The following PCDHGA4 variants were observed in gnomAD, a reference collection of about 807,000 sequenced individuals.
PCDHGA4 encodes the protein protocadherin gamma-A4.
A neutral mutation model predicts 54.6 loss-of-function variants in PCDHGA4; 38 were observed. The ratio of observed to expected loss-of-function variants is 0.70; its 90% CI spans 0.54 to 0.91. The LOEUF (loss-of-function observed/expected upper bound fraction) is 0.91, where lower values mean the gene tolerates loss of function less well. PCDHGA4 is among the 40% of genes least tolerant of loss of function. The pLI, the probability that PCDHGA4 is intolerant of heterozygous loss-of-function variation, is 0.00. For missense variants in PCDHGA4, 1,298 were observed against 1,220.9 expected (o/e 1.06, Z -0.94); for synonymous variants, 511 against 512.9 (o/e 1.00, Z 0.05).
chr5:141,384,957 C>T (rs1561605479), intron 1 of PCDHGA4: 2 of 1,613,966 alleles, frequency 1.2e-6, no homozygotes, highest in African/African-American at 2.7e-5. Flanking sequence ...GTCCTTACAA[C>T]TATGACCTCA....
chr5:141,384,493 G>A lies in PCDHGA4; in HGVS notation c.2514+26872G>A, dbSNP rs370485526. The A allele has an allele frequency of 6.2e-7, 1 of 1,614,056 alleles. No individual in the cohort carries two copies. The highest frequency in any genetic ancestry group is 1.3e-5 in the African/African-American group (1 of 74,948). ...GCAGTTGAGAGAACTACAACTAAGA[G>A]TGACTGCACATGACAGCGGGGACCC... On this transcript the variant is annotated intron_variant, in intron 1 of 3. Coordinates refer to ENST00000571252, the MANE Select transcript of PCDHGA4 (RefSeq NM_018917.4).
chr5:141,423,802 C>A, intron 1 of PCDHGA4: 3 of 1,254,704 alleles, frequency 2.4e-6, no homozygotes, highest in South Asian at 2.9e-5. Context: ...TAGAGCAATA[C>A]ATGTGAGTTT....
chr5:141,504,937 G>A (rs1350441435), intron 2 of PCDHGA4, among the ~76,000 whole-genome samples: 2 of 152,054 alleles, frequency 1.3e-5, no homozygotes, highest in East Asian at 1.9e-4. Context: ...GGTGGGTGGG[G>A]GAATGCACTA....
At chr5:141,388,438 A>C in intron 1 of PCDHGA4, 4 of 1,613,906 alleles carry the variant, frequency 2.5e-6, no homozygotes, top group Non-Finnish European at 3.4e-6. Flanking sequence ...AATAAAGAGA[A>C]ATCAGATGGC....
intron 1 of PCDHGA4, chr5:141,422,545 T>C: frequency 6.2e-7 from 1 of 1,614,000 alleles, no homozygotes; most frequent in Non-Finnish European, 8.5e-7. Context: ...AACTCATGTC[T>C]GGCTGAATGT....
At position 141,355,388 on chromosome 5, in the gene PCDHGA4, G is replaced by A. The variant is rs775462698; in HGVS notation, c.281G>A (p.Gly94Glu). The A allele has an allele frequency of 2.5e-5, 41 of 1,613,938 alleles. No homozygotes were observed. Among genetic ancestry groups the A allele is most frequent in the South Asian group, 5.5e-5 (5 of 91,092 alleles). The change falls in exon 1 of 4, where the codon GGA (glycine) becomes GAA (glutamate). Residue 94 changes from glycine (G) to glutamate (E), a missense_variant. Coordinates refer to ENST00000571252, the MANE Select transcript of PCDHGA4 (RefSeq NM_018917.4). ...GCGCCCCGGGAGCTGGCGGAGCGCGGAGTCCGCATCGTCTCCAGAGGTAGG... is the reference window on the plus strand; with the variant it reads ...GCGCCCCGGGAGCTGGCGGAGCGCGAAGTCCGCATCGTCTCCAGAGGTAGG... ...GLAPRELAER[G>E]VRIVSRGRTQ...
intron 1 of PCDHGA4, chr5:141,417,651 A>C: frequency 1.2e-6 from 1 of 822,038 alleles, no homozygotes; most frequent in African/African-American, 1.7e-5. Context: ...CTCAGCCTCT[A>C]GCCTGGGATT....
intron 1 of PCDHGA4, chr5:141,479,417 T>A (rs2099495481): frequency 6.6e-6 from 1 of 152,210 alleles, no homozygotes; most frequent in Non-Finnish European, 1.5e-5. Context: ...ACTATGCTGA[T>A]CAATTGATCA....
intron 1 of PCDHGA4, among the ~76,000 whole-genome samples, chr5:141,469,642 A>G (rs1339074059): frequency 2.0e-5 from 3 of 152,244 alleles, no homozygotes; most frequent in Admixed American, 6.5e-5. Flanking sequence ...AAATATTTTG[A>G]TGACATAATT....
chr5:141,356,935 C>G lies in PCDHGA4; in HGVS notation c.1828C>G (p.Pro610Ala), dbSNP rs757650292. 1 of 1,614,226 alleles carries G rather than the reference C, an allele frequency of 6.2e-7. No homozygotes were observed. The highest frequency in any genetic ancestry group is 1.1e-5 in the South Asian group (1 of 91,086). Residue 610 changes from proline (P) to alanine (A), a missense_variant, in exon 1 of 4, where the codon CCC becomes GCC. Coordinates refer to ENST00000571252, the MANE Select transcript of PCDHGA4 (RefSeq NM_018917.4). ...TGGCTCCACTGGTGTGGAGCTGGCA[C>G]CCCGCTCCGCAGATTCCGGCTACCT... ...TDGSTGVELA[P>A]RSADSGYLVT...
intron 1 of PCDHGA4, chr5:141,420,535 T>C (rs1322301404): frequency 6.2e-6 from 2 of 321,930 alleles, no homozygotes; most frequent in African/African-American, 4.3e-5. Flanking sequence ...CGGTTAAAAA[T>C]ATAAAATACA....
intron 1 of PCDHGA4, chr5:141,418,432 T>C (rs954268296): frequency 1.9e-6 from 3 of 1,613,838 alleles, no homozygotes; most frequent in African/African-American, 1.3e-5. Context: ...GTGGCAAATA[T>C]CCAGAATTAG....
chr5:141,371,872 C>T (rs1206900205), intron 1 of PCDHGA4: 3 of 1,613,534 alleles, frequency 1.9e-6, no homozygotes, highest in East Asian at 2.2e-5. Flanking sequence ...TACATCGTGG[C>T]CAGTGACCTG....
At chr5:141,497,541 T>C (rs1157403777) in intron 2 of PCDHGA4, among the ~76,000 whole-genome samples, 9 of 89,564 alleles carry the variant, frequency 1.0e-4, no homozygotes, top group Non-Finnish European at 2.1e-4. Context: ...GCAACAAACC[T>C]TTTTTTTTTT....
Position 141,376,287 on chromosome 5 carries a change from T to C in PCDHGA4, c.2514+18666T>C, listed in dbSNP as rs1160372923. 6.2e-6 allele frequency: 10 copies of C among 1,614,110 alleles called. No individual in the cohort carries two copies. In the Admixed American group the frequency reaches 6.7e-5, roughly 11 times the overall value. On this transcript the variant is annotated intron_variant, in intron 1 of 3. Transcript: ENST00000571252. ...GCTTCGGGAGGTGGCTTAGCGAGCA[T>C]GCCCGGCTCGCACTTTGTGGGCGTG...
rs1340366910 is a variant in PCDHGA4 at position 141,490,965 on chromosome 5, C to T, written c.2515-3842C>T. The T allele has an allele frequency of 2.5e-6, 4 of 1,613,738 alleles. No homozygotes were observed. The highest frequency in any genetic ancestry group is 2.7e-5 in the African/African-American group (2 of 74,934). On this transcript the variant is annotated intron_variant, in intron 1 of 3. Transcript: ENST00000571252. This position sits in a 1 kb window ranked among gnomAD's most constrained non-coding sequence, Gnocchi z 5.4. Reference sequence around the variant, plus strand: ...CACGGCCAGACTGGGAACACTCAGCCCCCCAGCGTCTCCCTCGCTCTGCTC... The same window carrying T: ...CACGGCCAGACTGGGAACACTCAGCTCCCCAGCGTCTCCCTCGCTCTGCTC...
At chr5:141,374,701 C>G (rs781441820) in intron 1 of PCDHGA4, 1 of 1,608,844 alleles carries the variant, frequency 6.2e-7, no homozygotes, top group Non-Finnish European at 8.5e-7. Flanking sequence ...AAGGAGAAGC[C>G]GTTTACCGCC....
At chr5:141,425,546 A>G (rs2096882460) in intron 1 of PCDHGA4, among the ~76,000 whole-genome samples, 1 of 152,202 alleles carries the variant, frequency 6.6e-6, no homozygotes, top group African/African-American at 2.4e-5. Flanking sequence ...CTTTTCAGAA[A>G]CCTCTTTTAT....
intron 1 of PCDHGA4, chr5:141,419,186 A>G: frequency 1.2e-6 from 2 of 1,613,940 alleles, no homozygotes; most frequent in Non-Finnish European, 1.7e-6. Context: ...CCTGCACATT[A>G]CTGACGTCAA....
Sources: allele counts gnomAD v4.1 joint callset (sites outside exome capture counted in the v4.1 genomes callset), GRCh38; gene constraint gnomAD v4.1.1; non-coding constraint Gnocchi (gnomAD v3.1); transcripts MANE v1.5; gene names NCBI Gene and HGNC (gene_info 2026-07-23, HGNC 2026-07-21).